The following SCHIP1 variants were observed in gnomAD, a reference collection of about 807,000 sequenced individuals.
The protein encoded by SCHIP1 is schwannomin-interacting protein 1.
A neutral mutation model predicts 29.7 loss-of-function variants in SCHIP1; 8 were observed. That is an observed-to-expected ratio of 0.27 (90% CI 0.16 to 0.49). The LOEUF is 0.49. SCHIP1 is among the 20% of genes least tolerant of loss of function. The pLI, the probability that SCHIP1 is intolerant of heterozygous loss-of-function variation, is 0.99. For missense variants in SCHIP1, 193 were observed against 294.6 expected (o/e 0.66, Z 2.52); for synonymous variants, 76 against 94.9 (o/e 0.80, Z 1.16).
the SCHIP1 span, among the ~76,000 whole-genome samples, chr3:159,563,665 C>T: frequency 6.6e-6 from 1 of 151,952 alleles, no homozygotes; most frequent in African/African-American, 2.4e-5. Context: ...CCTGTCTCTA[C>T]AAAAAATGAA....
the SCHIP1 span, among the ~76,000 whole-genome samples, chr3:159,410,824 C>T: frequency 1.3e-5 from 2 of 152,040 alleles, no homozygotes; most frequent in African/African-American, 4.8e-5. Flanking sequence ...ATCTTCACTC[C>T]CATGTTAATT....
At chr3:159,465,811 T>A in the SCHIP1 span, among the ~76,000 whole-genome samples, 1 of 152,174 alleles carries the variant, frequency 6.6e-6, no homozygotes, top group Non-Finnish European at 1.5e-5. Flanking sequence ...AAATGTTGGC[T>A]CAGCCTGAGT....
At chr3:159,613,775 AAAG>A in the SCHIP1 span, among the ~76,000 whole-genome samples, 1 of 152,220 alleles carries the variant, frequency 6.6e-6, no homozygotes, top group Admixed American at 6.5e-5. Flanking sequence ...AGGTCCTCAA[AAAG>A]AAGTTAACAT....
At chr3:159,467,755 C>A in the SCHIP1 span, among the ~76,000 whole-genome samples, 1 of 152,054 alleles carries the variant, frequency 6.6e-6, no homozygotes, top group African/African-American at 2.4e-5. Flanking sequence ...AAATGTCTAA[C>A]TACACAATTA....
At chr3:159,740,078 C>A in the SCHIP1 span, among the ~76,000 whole-genome samples, 1 of 152,256 alleles carries the variant, frequency 6.6e-6, no homozygotes, top group Non-Finnish European at 1.5e-5. Context: ...ATAGCCAACT[C>A]TTCTTTCTGC....
chr3:159,709,295 T>C, the SCHIP1 span, among the ~76,000 whole-genome samples: 1 of 152,226 alleles, frequency 6.6e-6, no homozygotes, highest in Non-Finnish European at 1.5e-5. Context: ...GTATCTTGAC[T>C]GTATCTCTAT....
the SCHIP1 span, among the ~76,000 whole-genome samples, chr3:159,827,843 G>A: frequency 6.6e-6 from 1 of 151,280 alleles, no homozygotes. Context: ...AGAAACGCTG[G>A]AAATATTTTT....
the SCHIP1 span, among the ~76,000 whole-genome samples, chr3:159,679,010 C>G: frequency 6.6e-6 from 1 of 152,122 alleles, no homozygotes; most frequent in Non-Finnish European, 1.5e-5. Flanking sequence ...GGACCCAGAG[C>G]CAAACCACAT....
the SCHIP1 span, among the ~76,000 whole-genome samples, chr3:159,769,044 G>A: frequency 6.6e-6 from 1 of 152,172 alleles, no homozygotes; most frequent in African/African-American, 2.4e-5. Flanking sequence ...GAAAGGTTCT[G>A]GGGTTGGTGC....
the SCHIP1 span, among the ~76,000 whole-genome samples, chr3:159,376,408 T>C: frequency 1.3e-4 from 20 of 152,302 alleles, no homozygotes; most frequent in African/African-American, 4.1e-4. Context: ...CAGAGTACTA[T>C]TCTGCCAACA....
chr3:159,422,774 G>T, the SCHIP1 span, among the ~76,000 whole-genome samples: 2 of 151,986 alleles, frequency 1.3e-5, no homozygotes, highest in African/African-American at 4.8e-5. Context: ...TATAAAGTTA[G>T]AGGTCACTTA....
At chr3:159,386,666 C>T in the SCHIP1 span, 1 of 152,150 alleles carries the variant, frequency 6.6e-6, no homozygotes, top group African/African-American at 2.4e-5. Context: ...CAGTAACCAA[C>T]ACAGCATGGT....
chr3:159,535,705 G>T, the SCHIP1 span, among the ~76,000 whole-genome samples: 10 of 152,212 alleles, frequency 6.6e-5, no homozygotes, highest in South Asian at 1.2e-3. Context: ...CATTACAGAA[G>T]TAGTTAATTA....
chr3:159,761,525 A>G, the SCHIP1 span, among the ~76,000 whole-genome samples: 6 of 152,216 alleles, frequency 3.9e-5, no homozygotes, highest in African/African-American at 7.2e-5. Context: ...CCTGCTGGAC[A>G]TATCTGCAGG....
the SCHIP1 span, among the ~76,000 whole-genome samples, chr3:159,706,066 T>A: frequency 5.6e-4 from 86 of 152,256 alleles, no homozygotes; most frequent in Non-Finnish European, 1.1e-3. Context: ...GGAGCTTTCA[T>A]GGGAAGCTGA....
chr3:159,416,383 T>C, the SCHIP1 span, among the ~76,000 whole-genome samples: 1 of 152,210 alleles, frequency 6.6e-6, no homozygotes, highest in Admixed American at 6.6e-5. Flanking sequence ...ATTTAGTTTC[T>C]TGTTTACTGT....
chr3:159,397,272 T>C, the SCHIP1 span, among the ~76,000 whole-genome samples: 2 of 152,164 alleles, frequency 1.3e-5, no homozygotes, highest in African/African-American at 4.8e-5. Context: ...TTGAATGTCC[T>C]CCTGTAGCTC....
the SCHIP1 span, among the ~76,000 whole-genome samples, chr3:159,360,693 C>T: frequency 0.032 from 4,882 of 152,242 alleles, 283 homozygotes; most frequent in African/African-American, 0.11. Flanking sequence ...TTCTTTGTGA[C>T]ATGAGGTTGA....
the SCHIP1 span, among the ~76,000 whole-genome samples, chr3:159,637,421 A>ACC: frequency 4.2e-4 from 58 of 136,594 alleles, no homozygotes; most frequent in African/African-American, 1.4e-3. Flanking sequence ...ACACACACAC[A>ACC]CCTGACTCTT....
Sources: allele counts gnomAD v4.1 joint callset (sites outside exome capture counted in the v4.1 genomes callset), GRCh38; gene constraint gnomAD v4.1.1; transcripts MANE v1.5; gene names NCBI Gene and HGNC (gene_info 2026-07-23, HGNC 2026-07-21).